LRP1B: variants seen among roughly 807,000 people sequenced by gnomAD.
LRP1B encodes the protein low-density lipoprotein receptor-related protein 1B.
In LRP1B, 217 loss-of-function variants were observed where a neutral mutation model predicts 556.6. The ratio of observed to expected loss-of-function variants is 0.39; its 90% CI spans 0.35 to 0.44. The LOEUF is 0.44. Among genes scored for constraint, LRP1B ranks in the 20% least tolerant of loss-of-function variants. The probability of loss-of-function intolerance (pLI) is 1.00; values close to 1 mark genes in which losing one functional copy is unlikely to be tolerated. For missense variants in LRP1B, 5,053 were observed against 5,620.8 expected, an observed-to-expected ratio of 0.90 and a Z score of 3.23; for synonymous variants, 2,047 against 1,865.8, an observed-to-expected ratio of 1.10 and a Z score of -2.50.
intron 27 of LRP1B, among the ~76,000 whole-genome samples, chr2:140,860,824 C>T (rs1038871441): frequency 6.6e-6 from 1 of 151,862 alleles, no homozygotes; most frequent in Non-Finnish European, 1.5e-5. Context: ...AGTGAGGACA[C>T]AGAGAAAAAT....
intron 1 of LRP1B, among the ~76,000 whole-genome samples, chr2:141,844,526 C>T (rs1363512033): frequency 6.6e-6 from 1 of 151,970 alleles, no homozygotes; most frequent in Non-Finnish European, 1.5e-5. Flanking sequence ...GCACTTAGAA[C>T]AATGTCAGTA....
intron 84 of LRP1B, among the ~76,000 whole-genome samples, chr2:140,280,276 TAA>T (rs1476926066): frequency 2.0e-5 from 3 of 151,710 alleles, no homozygotes; most frequent in African/African-American, 7.3e-5. Flanking sequence ...AGCACTAAAA[TAA>T]AGTTGGAAAT....
At chr2:141,288,796 G>A (rs1210857759) in intron 3 of LRP1B, among the ~76,000 whole-genome samples, 1 of 152,076 alleles carries the variant, frequency 6.6e-6, no homozygotes, top group Non-Finnish European at 1.5e-5. Flanking sequence ...AATAAGAGGC[G>A]TTTGTATTCT....
intron 2 of LRP1B, among the ~76,000 whole-genome samples, chr2:141,726,064 A>G (rs944070890): frequency 6.6e-6 from 1 of 151,718 alleles, no homozygotes; most frequent in Non-Finnish European, 1.5e-5. Flanking sequence ...TGATTTTTTT[A>G]AAAGAAAAAA....
At chr2:142,112,925 T>C (rs1388288064) in intron 1 of LRP1B, among the ~76,000 whole-genome samples, 1 of 152,134 alleles carries the variant, frequency 6.6e-6, no homozygotes, top group African/African-American at 2.4e-5. Flanking sequence ...TCTTTGAAGT[T>C]ATTTGTAATT....
chr2:140,613,324 T>C (rs1301496611), intron 41 of LRP1B, among the ~76,000 whole-genome samples: 2 of 143,148 alleles, frequency 1.4e-5, no homozygotes, highest in African/African-American at 2.5e-5. Context: ...ATTATATAAA[T>C]ATATATAATT....
intron 75 of LRP1B, among the ~76,000 whole-genome samples, chr2:140,354,476 T>C (rs558348874): frequency 6.6e-6 from 1 of 152,200 alleles, no homozygotes; most frequent in South Asian, 2.1e-4. Context: ...TAATAAATAT[T>C]TTACAGGAAT....
intron 37 of LRP1B, 102 bp downstream of exon 37, chr2:140,715,871 A>AT: frequency 1.1e-6 from 1 of 950,656 alleles, no homozygotes; most frequent in East Asian, 2.6e-5. Context: ...GATATTCTTG[A>AT]TTTTGTCTCA....
In LRP1B at chr2:140,922,976, C is replaced by T; in HGVS notation, c.3308G>A (p.Cys1103Tyr). The change falls in exon 21 of 91, where the codon TGT (cysteine) becomes TAT (tyrosine). Residue 1103 changes from cysteine to tyrosine, a missense_variant. By Grantham distance (194) the Cys-to-Tyr change is radical. Coordinates refer to ENST00000389484, the MANE Select transcript of LRP1B (RefSeq NM_018557.3). ...RLCDHKTKFS[C>Y]WSTGRCINKA... ...CAATGTTCACTTACCTGTACTCCAA[C>T]AGGAAAACTTGGTTTTGTGGTCACA... 6.2e-7 allele frequency: 1 copy of T among 1,612,150 alleles called. No individual in the cohort carries two copies. Among genetic ancestry groups the T allele is most frequent in the Non-Finnish European group, 8.5e-7 (1 of 1,178,880 alleles).
chr2:141,657,101 T>C (rs1339667573), intron 2 of LRP1B, among the ~76,000 whole-genome samples: 2 of 152,132 alleles, frequency 1.3e-5, no homozygotes, highest in Admixed American at 6.5e-5. Flanking sequence ...TTAGTTCTAC[T>C]GATTTTAGGA....
chr2:141,997,649 A>ATG (rs1491498601), intron 1 of LRP1B, among the ~76,000 whole-genome samples: 2 of 3,444 alleles, frequency 5.8e-4, no homozygotes, highest in African/African-American at 8.0e-4. Context: ...CACCCAGCCC[A>ATG]TATATATATA....
chr2:141,128,112 T>C (rs1701261967), intron 7 of LRP1B, among the ~76,000 whole-genome samples: 3 of 152,176 alleles, frequency 2.0e-5, no homozygotes, highest in Admixed American at 6.6e-5. Flanking sequence ...TCCCAAAGGA[T>C]GTTAAGATTC....
intron 86 of LRP1B, among the ~76,000 whole-genome samples, chr2:140,263,242 G>T (rs528200758): frequency 6.6e-6 from 1 of 152,114 alleles, no homozygotes; most frequent in South Asian, 2.1e-4. Flanking sequence ...TTAATAGACT[G>T]GCCACCCGTG....
At chr2:141,957,348 T>C (rs569776081) in intron 1 of LRP1B, among the ~76,000 whole-genome samples, 1 of 117,142 alleles carries the variant, frequency 8.5e-6, no homozygotes, top group East Asian at 2.9e-4. Flanking sequence ...AAAAACAGAT[T>C]AGCAAATAGT....
chr2:140,449,440 G>A lies in LRP1B; in HGVS notation c.10057+1128C>T, dbSNP rs149735095. On this transcript the variant is annotated intron_variant, in intron 63 of 90. Coordinates refer to ENST00000389484, the MANE Select transcript of LRP1B (RefSeq NM_018557.3). ...AATAATAGTGTACTTATCCCACAGAGATACTACCCTTTATATGTTGTCTAT... is the reference window on the plus strand; with the variant it reads ...AATAATAGTGTACTTATCCCACAGAAATACTACCCTTTATATGTTGTCTAT... Among the ~76,000 whole-genome samples the A allele has an allele frequency of 1.0e-3, 152 of 151,982 alleles. 3 individuals are homozygous for A. Among genetic ancestry groups the A allele is most frequent in the African/African-American group, 3.0e-3 (126 of 41,500 alleles).
chr2:142,030,036 G>GAAA (rs11362272), intron 1 of LRP1B, among the ~76,000 whole-genome samples: 95 of 146,790 alleles, frequency 6.5e-4, no homozygotes, highest in Middle Eastern at 3.5e-3. Context: ...TCCTTTTTAG[G>GAAA]AAAAAAAAAA....
chr2:141,301,655 A>G (rs186039104), intron 3 of LRP1B, among the ~76,000 whole-genome samples: 43 of 152,360 alleles, frequency 2.8e-4, no homozygotes, highest in African/African-American at 8.4e-4. Flanking sequence ...TAAGTGGCCA[A>G]TTTGGACCTG....
intron 2 of LRP1B, among the ~76,000 whole-genome samples, chr2:141,651,055 G>A (rs1689770404): frequency 6.6e-6 from 1 of 152,150 alleles, no homozygotes; most frequent in Admixed American, 6.6e-5. Flanking sequence ...CTTTACAATG[G>A]AGAAAGGAAG....
intron 2 of LRP1B, among the ~76,000 whole-genome samples, chr2:141,627,842 G>T (rs1688758246): frequency 6.6e-6 from 1 of 152,182 alleles, no homozygotes; most frequent in Non-Finnish European, 1.5e-5. Flanking sequence ...TCACCCTGGT[G>T]CAGGATGTTG....
Sources: allele counts gnomAD v4.1 joint callset (sites outside exome capture counted in the v4.1 genomes callset), GRCh38; gene constraint gnomAD v4.1.1; transcripts MANE v1.5; gene names NCBI Gene and HGNC (gene_info 2026-07-23, HGNC 2026-07-21).